The following DLGAP2 variants were observed in gnomAD, a reference collection of about 807,000 sequenced individuals.
DLGAP2 encodes the protein disks large-associated protein 2.
A neutral mutation model predicts 100.3 loss-of-function variants in DLGAP2; 26 were observed. That is an observed-to-expected ratio of 0.26 (90% CI 0.19 to 0.36). The LOEUF (loss-of-function observed/expected upper bound fraction) is 0.36, where lower values mean the gene tolerates loss of function less well. DLGAP2 is among the 10% of genes least tolerant of loss of function. DLGAP2 has a pLI of 1.00. For synonymous variants in DLGAP2, 886 were observed against 630.1 expected, an observed-to-expected ratio of 1.41 and a Z score of -6.08; for missense variants, 1,858 against 1,453.2, an observed-to-expected ratio of 1.28 and a Z score of -4.53.
At chr8:910,924 G>A (rs1798472340) in intron 2 of DLGAP2, among the ~76,000 whole-genome samples, 1 of 152,154 alleles carries the variant, frequency 6.6e-6, no homozygotes, top group Non-Finnish European at 1.5e-5. Flanking sequence ...CTGAAGGCGG[G>A]CCCACTTGCT....
At chr8:798,900 C>T (rs1455298404) in intron 1 of DLGAP2, among the ~76,000 whole-genome samples, 2 of 152,270 alleles carry the variant, frequency 1.3e-5, no homozygotes, top group Non-Finnish European at 1.5e-5. Context: ...TGACGGGTGC[C>T]TGCTTCCGTT....
At chr8:1,060,425 G>A (rs1048048320) in intron 2 of DLGAP2, among the ~76,000 whole-genome samples, 1 of 151,682 alleles carries the variant, frequency 6.6e-6, no homozygotes, top group African/African-American at 2.4e-5. Context: ...CTGTGTCCTT[G>A]CTGTGTCCTT....
chr8:1,066,218 T>C (rs113894682), intron 2 of DLGAP2, among the ~76,000 whole-genome samples: 2,029 of 103,644 alleles, frequency 0.02, 47 homozygotes, highest in African/African-American at 0.068. Context: ...TTCTCCACCA[T>C]GGTCAGGTCT....
In DLGAP2 at chr8:987,025, C is replaced by A. The variant is rs375800211; in HGVS notation, c.73+79059C>A. Among the ~76,000 whole-genome samples the A allele has an allele frequency of 9.5e-4, 145 of 152,290 alleles. 1 individual carries two copies. Among genetic ancestry groups the A allele is most frequent in the African/African-American group, 3.2e-3 (135 of 41,552 alleles). On this transcript the variant is annotated intron_variant, in intron 2 of 14. Coordinates refer to ENST00000637795, the MANE Select transcript of DLGAP2 (RefSeq NM_001346810.2). ...TAATCCACAAGGAGGAAGTAAAAAT[C>A]ATGGAGCAAATCCCTGGTGAAATCA... is the stretch of plus-strand genomic sequence containing the variant.
At chr8:1,022,756 TC>T (rs1176969422) in intron 2 of DLGAP2, among the ~76,000 whole-genome samples, 37 of 149,392 alleles carry the variant, frequency 2.5e-4, no homozygotes, top group Admixed American at 2.5e-3. Context: ...CAATCCACCC[TC>T]CCTGGGAGTG....
intron 2 of DLGAP2, among the ~76,000 whole-genome samples, chr8:1,031,280 A>G (rs1801964112): frequency 6.6e-6 from 1 of 152,202 alleles, no homozygotes; most frequent in African/African-American, 2.4e-5. Flanking sequence ...AAAGTGTAAA[A>G]TCAGAGGCTC....
chr8:879,040 C>T (rs1032291203), intron 1 of DLGAP2, among the ~76,000 whole-genome samples: 3 of 152,156 alleles, frequency 2.0e-5, no homozygotes, highest in African/African-American at 7.2e-5. Context: ...TCCTAATTGG[C>T]CAAAACCAAC....
At chr8:1,188,549 C>T (rs945925172) in intron 2 of DLGAP2, among the ~76,000 whole-genome samples, 2 of 151,044 alleles carry the variant, frequency 1.3e-5, no homozygotes, top group Admixed American at 6.6e-5. Flanking sequence ...GAATCTCAGA[C>T]GCCCGGGATC....
At chr8:963,461 T>C (rs1343308633) in intron 2 of DLGAP2, among the ~76,000 whole-genome samples, 1 of 152,232 alleles carries the variant, frequency 6.6e-6, no homozygotes, top group East Asian at 1.9e-4. Context: ...ATGGTACATA[T>C]ATGCATTTTT....
chr8:1,467,103 G>A (rs1258232129), intron 3 of DLGAP2, among the ~76,000 whole-genome samples: 1 of 151,804 alleles, frequency 6.6e-6, no homozygotes. Flanking sequence ...CCCAGATCCA[G>A]CCAGAGGGAG....
intron 8 of DLGAP2, among the ~76,000 whole-genome samples, chr8:1,648,787 C>G (rs1798099825): frequency 6.6e-6 from 1 of 152,192 alleles, no homozygotes; most frequent in Admixed American, 6.5e-5. Context: ...TGAGTACAGG[C>G]TTTTGTGAAA....
intron 3 of DLGAP2, among the ~76,000 whole-genome samples, chr8:1,421,800 C>G (rs1584883203): frequency 1.3e-5 from 2 of 152,068 alleles, no homozygotes; most frequent in African/African-American, 4.8e-5. Context: ...CCCGTCTCTA[C>G]TATAAATACA....
intron 2 of DLGAP2, among the ~76,000 whole-genome samples, chr8:1,188,850 T>C (rs1797572832): frequency 6.6e-6 from 1 of 152,234 alleles, no homozygotes. Context: ...CAATGACTTG[T>C]CACTCCAAAA....
At chr8:1,314,423 A>T (rs1332300079) in intron 3 of DLGAP2, among the ~76,000 whole-genome samples, 2 of 152,336 alleles carry the variant, frequency 1.3e-5, no homozygotes, top group Non-Finnish European at 2.9e-5. Flanking sequence ...ATATTTTTTT[A>T]AAACTCCATT....
chr8:1,664,754 A>G (rs1283552980), intron 8 of DLGAP2, among the ~76,000 whole-genome samples: 1 of 152,218 alleles, frequency 6.6e-6, no homozygotes. Context: ...AGTTCCAACC[A>G]CAACTTTTAC....
At chr8:1,225,393 A>G (rs1563264067) in intron 2 of DLGAP2, among the ~76,000 whole-genome samples, 1 of 152,256 alleles carries the variant, frequency 6.6e-6, no homozygotes, top group Non-Finnish European at 1.5e-5. Context: ...CCACAGATAC[A>G]GAACACCGAG....
intron 8 of DLGAP2, among the ~76,000 whole-genome samples, chr8:1,638,836 G>T (rs554713573): frequency 2.1e-4 from 32 of 152,350 alleles, no homozygotes; most frequent in African/African-American, 7.7e-4. Flanking sequence ...AGGGACAGAC[G>T]CAGAGAAGGC....
intron 5 of DLGAP2, among the ~76,000 whole-genome samples, chr8:1,553,153 C>A (rs1382185143): frequency 2.0e-5 from 3 of 152,168 alleles, no homozygotes; most frequent in Non-Finnish European, 4.4e-5. Context: ...CCAGAGAAGA[C>A]CCGGCAGCCC....
chr8:1,497,128 G>A (rs556103192), intron 3 of DLGAP2, among the ~76,000 whole-genome samples: 38 of 152,326 alleles, frequency 2.5e-4, no homozygotes, highest in African/African-American at 7.9e-4. Flanking sequence ...AGCCCCACCC[G>A]GAGTTGCCGC....
Sources: allele counts gnomAD v4.1 joint callset (sites outside exome capture counted in the v4.1 genomes callset), GRCh38; gene constraint gnomAD v4.1.1; transcripts MANE v1.5; gene names NCBI Gene and HGNC (gene_info 2026-07-23, HGNC 2026-07-21).